Variants in DNAJB2 observed in about 807,000 individuals in gnomAD.
DNAJB2 encodes dnaJ homolog subfamily B member 2.
DNAJB2 carries 19 observed loss-of-function variants against 33.3 expected under a neutral mutation model. The ratio of observed to expected loss-of-function variants is 0.57; its 90% CI spans 0.40 to 0.84. DNAJB2 has a LOEUF of 0.84. Among genes scored for constraint, DNAJB2 ranks in the 40% least tolerant of loss-of-function variants. The pLI, the probability that DNAJB2 is intolerant of heterozygous loss-of-function variation, is 0.00. For synonymous variants in DNAJB2, 172 were observed against 164.6 expected (o/e 1.04, Z -0.34); for missense variants, 368 against 430.9 (o/e 0.85, Z 1.29).
In DNAJB2 at chr2:219,286,132, G is replaced by GCTA; in HGVS notation, c.*1145_*1146insCTA. On this transcript the variant is annotated 3_prime_UTR_variant, in exon 9 of 9. Transcript: ENST00000336576. ...AGCCGGGGCCTGGGTGGCGGGTGGG[G>GCTA]GCCGGGTGGGAGGTGGCAGTAGTCT... 1 of 755,208 alleles carries GCTA rather than the reference G, an allele frequency of 1.3e-6. No homozygotes were observed. The highest frequency in any genetic ancestry group is 1.9e-5 in the South Asian group (1 of 53,890). The allele number at this position is 755,208 out of a possible 1,614,324, so 46.8% of individuals were successfully genotyped here.
chr2:219,284,534 A>C, intron 8 of DNAJB2, 98 bp from the exon 9 acceptor site: 3 of 1,437,170 alleles, frequency 2.1e-6, no homozygotes, highest in Non-Finnish European at 2.8e-6. Context: ...ATTCCAAATA[A>C]GAGACTCTAA....
chr2:219,285,099 T>G lies in DNAJB2; in HGVS notation c.*112T>G. On this transcript the variant is annotated 3_prime_UTR_variant, in exon 9 of 9. Transcript: ENST00000336576. ...TAGGAACTGCTTTCCAACTCCAAGC[T>G]CCCTCCACAAGTTTCCCTCCCAGGC... 1 of 1,387,864 alleles carries G rather than the reference T, an allele frequency of 7.2e-7. No individual in the cohort carries two copies. The allele number at this position is 1,387,864 out of a possible 1,614,324, so 86.0% of individuals were successfully genotyped here.
At chr2:219,283,092 TTC>T in intron 6 of DNAJB2, 39 bp from the exon 7 acceptor site, 8 of 1,611,538 alleles carry the variant, frequency 5.0e-6, no homozygotes, top group Non-Finnish European at 5.9e-6. Flanking sequence ...CGCAGTCTTC[TTC>T]TAACCACCTC....
intron 6 of DNAJB2, 52 bp downstream of exon 6, chr2:219,282,981 G>A: frequency 6.4e-7 from 1 of 1,565,960 alleles, no homozygotes; most frequent in East Asian, 2.2e-5. Flanking sequence ...GGAACCCCTG[G>A]CTTGAGCTTG....
intron 5 of DNAJB2, 77 bp downstream of exon 5, chr2:219,282,138 G>A: frequency 1.2e-6 from 2 of 1,612,388 alleles, no homozygotes; most frequent in African/African-American, 2.7e-5. Context: ...GGGAGGCCCT[G>A]AGGTGGAAGG....
chr2:219,282,804 C>T, intron 5 of DNAJB2, 33 bp from the exon 6 acceptor site: 1 of 1,523,832 alleles, frequency 6.6e-7, no homozygotes, highest in Non-Finnish European at 8.8e-7. Flanking sequence ...AATGTCATTA[C>T]CAGATGACTG....
At chr2:219,280,495 T>C (rs1951894270) in intron 2 of DNAJB2, 83 bp from the exon 3 acceptor site, 2 of 1,100,644 alleles carry the variant, frequency 1.8e-6, no homozygotes, top group Non-Finnish European at 2.7e-6. Flanking sequence ...GATAGGCTAA[T>C]GGGAAAACAG....
chr2:219,280,823 C>T lies in DNAJB2; in HGVS notation c.175+136C>T, dbSNP rs1406350907. Reference sequence around the variant, plus strand: ...CAGCCTGACATTTAAGCTCCCCCCTCCCACAGGGACAGCTCAGTGTCTGCT... The same window carrying T: ...CAGCCTGACATTTAAGCTCCCCCCTTCCACAGGGACAGCTCAGTGTCTGCT... On this transcript the variant is annotated intron_variant, in intron 3 of 8. Transcript: ENST00000336576. The T allele has an allele frequency of 1.4e-5, 9 of 661,386 alleles. No homozygotes were observed. The Admixed American group carries it at 2.4e-4, about 17-fold the overall frequency. 41.0% of individuals were successfully genotyped at this position (661,386 alleles called of 1,614,324 possible).
At chr2:219,280,771 C>A in intron 3 of DNAJB2, 84 bp downstream of exon 3, 1 of 1,011,966 alleles carries the variant, frequency 9.9e-7, no homozygotes, top group Non-Finnish European at 1.5e-6. Context: ...AATGTCTCTG[C>A]CACCTAGTTT....
chr2:219,284,254 A>G (rs2125083507), intron 8 of DNAJB2, among the ~76,000 whole-genome samples: 1 of 152,084 alleles, frequency 6.6e-6, no homozygotes, highest in East Asian at 1.9e-4. Flanking sequence ...TAATTTTTAA[A>G]CTATTTTGTA....
chr2:219,281,569 A>T, intron 3 of DNAJB2, 149 bp from the exon 4 acceptor site: 1 of 971,390 alleles, frequency 1.0e-6, no homozygotes, highest in Non-Finnish European at 1.6e-6. Flanking sequence ...GCCTAAACCT[A>T]TAGCCCGTGT....
At position 219,284,787 on chromosome 2, in the gene DNAJB2, A is replaced by G. The variant is rs769533786; in HGVS notation, c.775A>G (p.Met259Val). The change falls in exon 9 of 9, where the codon ATG (methionine) becomes GTG (valine). Residue 259 changes from methionine to valine, a missense_variant. Transcript: ENST00000336576. ...TGAGGATGAGGACCTGCAGCTGGCC[A>G]TGGCCTACAGCCTGTCAGAGATGGA... is the stretch of plus-strand genomic sequence containing the variant. ...LSEDEDLQLA[M>V]AYSLSEMEAA... The G allele has an allele frequency of 1.9e-6, 3 of 1,613,284 alleles. No homozygotes were observed. In the South Asian group the frequency reaches 3.3e-5, roughly 18 times the overall value.
chr2:219,286,220 G>A lies in DNAJB2; in HGVS notation c.*1233G>A, dbSNP rs1951954865. ...GCTCCTGGGGACTACAAATCCCAGA[G>A]TGCGGTGTGCCCGGCCTCATTTCTG... On this transcript the variant is annotated 3_prime_UTR_variant, in exon 9 of 9. Transcript: ENST00000336576. 1 of 554,438 alleles carries A rather than the reference G, an allele frequency of 1.8e-6. No homozygotes were observed. The highest frequency in any genetic ancestry group is 3.0e-5 in the Admixed American group (1 of 32,860). The allele number at this position is 554,438 out of a possible 1,614,324, so 34.3% of individuals were successfully genotyped here. A position where few individuals can be genotyped will look rare whatever the true frequency, so the allele number is the denominator to read the frequency against.
chr2:219,286,183 T>G lies in DNAJB2; in HGVS notation c.*1196T>G. The G allele has an allele frequency of 2.8e-6, 2 of 704,458 alleles. No homozygotes were observed. The highest frequency in any genetic ancestry group is 4.6e-6 in the Non-Finnish European group (2 of 438,858). The allele number at this position is 704,458 out of a possible 1,614,324, so 43.6% of individuals were successfully genotyped here. ...TAGCCTGTGCACTCTCTTCCTTGGGTGTTTGGTGCTGGCTCCTGGGGACTA... is the reference window on the plus strand; with the variant it reads ...TAGCCTGTGCACTCTCTTCCTTGGGGGTTTGGTGCTGGCTCCTGGGGACTA... On this transcript the variant is annotated 3_prime_UTR_variant, in exon 9 of 9. Coordinates refer to ENST00000336576, the MANE Select transcript of DNAJB2 (RefSeq NM_006736.6).
Position 219,285,686 on chromosome 2 carries a change from G to C in DNAJB2, c.*699G>C. 8.3e-7 allele frequency: 1 copy of C among 1,202,126 alleles called. No homozygotes were observed. The highest frequency in any genetic ancestry group is 1.0e-6 in the Non-Finnish European group (1 of 965,776). The allele number at this position is 1,202,126 out of a possible 1,614,324, so 74.5% of individuals were successfully genotyped here. ...TGGGGAGGCTAGCCGGGTGGGGCGG[G>C]AGCCTCTCAGCTGTCCAGATTCAGA... is the stretch of plus-strand genomic sequence containing the variant. On this transcript the variant is annotated 3_prime_UTR_variant, in exon 9 of 9. Coordinates refer to ENST00000336576, the MANE Select transcript of DNAJB2 (RefSeq NM_006736.6).
chr2:219,286,032 C>G lies in DNAJB2; in HGVS notation c.*1045C>G, dbSNP rs372608436. ...CGGGTTCCAGAATCGCTGCACAGTT[C>G]CAACAGGACAGCGCCTTCCCCCATG... On this transcript the variant is annotated 3_prime_UTR_variant, in exon 9 of 9. Coordinates refer to ENST00000336576, the MANE Select transcript of DNAJB2 (RefSeq NM_006736.6). 3 of 1,611,516 alleles carry G rather than the reference C, an allele frequency of 1.9e-6. No individual in the cohort carries two copies. The African/African-American group carries it at 4.0e-5, about 22-fold the overall frequency.
rs773179867 is a variant in DNAJB2 at position 219,281,750 on chromosome 2, C to G, written c.208C>G (p.Arg70Gly). The G allele has an allele frequency of 1.2e-6, 2 of 1,614,014 alleles. No homozygotes were observed. The highest frequency in any genetic ancestry group is 1.7e-6 in the Non-Finnish European group (2 of 1,180,024). ...GCGGGAGATTTACGACCGCTATGGC[C>G]GGGAAGGGCTGACAGGGACAGGTAG... is the stretch of plus-strand genomic sequence containing the variant. The part of the protein sequence containing the change: ...HKREIYDRYG[R>G]EGLTGTGTGP... The change falls in exon 4 of 9, where the codon CGG becomes GGG. Residue 70 changes from arginine to glycine, a missense_variant. Coordinates refer to ENST00000336576, the MANE Select transcript of DNAJB2 (RefSeq NM_006736.6).
rs193176187 is a variant in DNAJB2 at position 219,282,161 on chromosome 2, G to C, written c.352+100G>C. 2,456 of 1,598,706 alleles carry C rather than the reference G, an allele frequency of 1.5e-3. 1 individual carries two copies. The highest frequency in any genetic ancestry group is 2.0e-3 in the Non-Finnish European group (2,310 of 1,167,420). On this transcript the variant is annotated intron_variant, in intron 5 of 8. Transcript: ENST00000336576. ...CTGAGGTGGAAGGCTGAGAGGGGACGGGAATGCCACGGACAGAAGATTTTG... is the reference window on the plus strand; with the variant it reads ...CTGAGGTGGAAGGCTGAGAGGGGACCGGAATGCCACGGACAGAAGATTTTG...
In DNAJB2 at chr2:219,280,539, T is replaced by G. The variant is rs1336562135; in HGVS notation, c.66-39T>G. On this transcript the variant is annotated intron_variant, in intron 2 of 8. Transcript: ENST00000336576. The stretch of plus-strand genomic sequence containing the variant: ...GTTCCTGGGTGGGAAGTGCCTGCAT[T>G]TGTCCCCCGACTCTCTCCTCTGCAC... 7 of 1,545,214 alleles carry G rather than the reference T, an allele frequency of 4.5e-6. No individual in the cohort carries two copies. The Admixed American group carries it at 1.2e-4, about 26-fold the overall frequency.
Sources: gnomAD v4.1 joint callset for allele counts (sites outside exome capture counted in the v4.1 genomes callset) on GRCh38, gnomAD v4.1.1 for gene constraint, MANE v1.5 for transcripts, NCBI Gene and HGNC (gene_info 2026-07-23, HGNC 2026-07-21) for gene names.